The following ZNF536 variants were observed in gnomAD, a reference collection of about 807,000 sequenced individuals.
ZNF536 encodes the protein zinc finger protein 536.
A neutral mutation model predicts 84.5 loss-of-function variants in ZNF536; 13 were observed. That is an observed-to-expected ratio of 0.15 (90% CI 0.10 to 0.24). The LOEUF is 0.24. Ranked by LOEUF, ZNF536 falls within the 10% of genes least tolerant of loss-of-function variation. The probability of loss-of-function intolerance (pLI) is 1.00; values close to 1 mark genes in which losing one functional copy is unlikely to be tolerated. For synonymous variants in ZNF536, 811 were observed against 742.5 expected (o/e 1.09, Z -1.50); for missense variants, 1,536 against 1,747.5 (o/e 0.88, Z 2.16).
At chr19:30,633,033 G>T (rs1025450323) in intron 1 of ZNF536, among the ~76,000 whole-genome samples, 1 of 152,170 alleles carries the variant, frequency 6.6e-6, no homozygotes, top group Non-Finnish European at 1.5e-5. Flanking sequence ...TCAATAAGAT[G>T]ATCAAAGAGG....
rs754539519 is a variant in ZNF536 at position 30,548,573 on chromosome 19, C to T, written c.2954C>T (p.Ala985Val). ...PLDLSVRPDA[A>V]SLPGSSVTVQ... ...GACTTGTCTGTGCGGCCAGATGCCG[C>T]CTCCCTCCCGGGCTCCTCGGTAACT... The change falls in exon 4 of 5, where the codon GCC becomes GTC. Residue 985 changes from alanine to valine, a missense_variant. By Grantham distance (64) the Ala-to-Val change is moderately conservative. Transcript: ENST00000355537. 1.4e-5 allele frequency: 23 copies of T among 1,614,158 alleles called. No individual in the cohort carries two copies. The highest frequency in any genetic ancestry group is 1.0e-4 in the Admixed American group (6 of 60,032).
chr19:30,540,085 T>C (rs2045268824), intron 3 of ZNF536, among the ~76,000 whole-genome samples: 1 of 152,212 alleles, frequency 6.6e-6, no homozygotes, highest in African/African-American at 2.4e-5. Flanking sequence ...GGGAACCTCT[T>C]TGTGGGAATG....
Position 30,403,888 on chromosome 19 carries a change from T to A in ZNF536, c.-3+31332T>A, listed in dbSNP as rs563678918. 6.0e-4 allele frequency among the ~76,000 whole-genome samples: 92 copies of A among 152,278 alleles called. 1 individual carries two copies. In the South Asian group the frequency reaches 0.018, roughly 29 times the overall value. ...GGATGGTCACATAGTAGGCTCTCAG[T>A]GAACATCTGGTGATGACCGTAAATG... is the stretch of plus-strand genomic sequence containing the variant. On this transcript the variant is annotated intron_variant, in intron 1 of 4. Transcript: ENST00000355537.
chr19:30,326,440 A>G (rs1362134277), intron 2 of ZNF536, among the ~76,000 whole-genome samples: 2 of 152,206 alleles, frequency 1.3e-5, no homozygotes, highest in Non-Finnish European at 2.9e-5. Context: ...TTAAACAGCA[A>G]TGTCCTCTTT....
Position 30,311,866 on chromosome 19 carries a change from C to T in ZNF536, c.-120+27725C>T, listed in dbSNP as rs187198658. 9.8e-4 allele frequency among the ~76,000 whole-genome samples: 149 copies of T among 152,072 alleles called. 1 individual carries two copies. The highest frequency in any genetic ancestry group is 1.5e-3 in the Non-Finnish European group (104 of 67,998). ...GGAGGATCACTTGAGGCCAGGAGTT[C>T]GAGACCAGCCTGGGAAACATAGTGA... On this transcript the variant is annotated intron_variant, in intron 2 of 5. Transcript: ENST00000585628.
intron 1 of ZNF536, among the ~76,000 whole-genome samples, chr19:30,231,273 C>A (rs748051452): frequency 4.6e-5 from 7 of 152,222 alleles, no homozygotes; most frequent in Non-Finnish European, 8.8e-5. Context: ...CTCAGCCCTG[C>A]CTCAGCCTAT....
intron 1 of ZNF536, among the ~76,000 whole-genome samples, chr19:30,411,889 A>G (rs1487585124): frequency 6.6e-6 from 1 of 152,114 alleles, no homozygotes; most frequent in Non-Finnish European, 1.5e-5. Flanking sequence ...TGTATTTATG[A>G]TATCACCATT....
chr19:30,587,291 T>C (rs970013849), intron 1 of ZNF536, among the ~76,000 whole-genome samples: 3 of 152,230 alleles, frequency 2.0e-5, no homozygotes, highest in African/African-American at 2.4e-5. Context: ...ACAAGACATA[T>C]CAAACCTTCA....
In ZNF536 at chr19:30,530,331, T is replaced by TTTGTTGTTG. The variant is rs140017176; in HGVS notation, c.2171-4495_2171-4487dup. On this transcript the variant is annotated intron_variant, in intron 2 of 4. Transcript: ENST00000355537. Reference sequence around the variant, plus strand: ...TTTGTAATACCTCTCTCTCTGTCTTTTTGTTGTTGTTGTTGTTGTTGTTGT... The same window carrying TTTGTTGTTG: ...TTTGTAATACCTCTCTCTCTGTCTTTTTGTTGTTGTTGTTGTTGTTGTTGTTGTTGTTGT... Among the ~76,000 whole-genome samples, 596 of 151,420 alleles carry TTTGTTGTTG rather than the reference T, an allele frequency of 3.9e-3. 7 individuals are homozygous for TTTGTTGTTG. The highest frequency in any genetic ancestry group is 0.014 in the African/African-American group (558 of 41,068).
intron 1 of ZNF536, among the ~76,000 whole-genome samples, chr19:30,654,631 A>T (rs2049835762): frequency 6.6e-6 from 1 of 152,172 alleles, no homozygotes; most frequent in South Asian, 2.1e-4. Flanking sequence ...GTGGCTATCT[A>T]GGTCTTTAGT....
At chr19:30,698,188 A>T (rs1371264174) in intron 1 of ZNF536, among the ~76,000 whole-genome samples, 1 of 152,034 alleles carries the variant, frequency 6.6e-6, no homozygotes, top group African/African-American at 2.4e-5. Context: ...GCTACGCAGG[A>T]TGCTGAGTCT....
intron 2 of ZNF536, among the ~76,000 whole-genome samples, chr19:30,327,337 T>C (rs2047072868): frequency 6.6e-6 from 1 of 152,176 alleles, no homozygotes; most frequent in African/African-American, 2.4e-5. Context: ...GACTGAACCC[T>C]GCCCCATCCA....
Position 30,708,141 on chromosome 19 carries a change from G to A in ZNF536, c.170-2616G>A, listed in dbSNP as rs528191153. On this transcript the variant is annotated intron_variant, in intron 1 of 1. Coordinates refer to the ZNF536 transcript ENST00000592773. Reference sequence around the variant, plus strand: ...CTGGGCTTGGCATTCATAACACTGAGATGGTCATGGTTCTTGCCCCAGGAA... The same window carrying A: ...CTGGGCTTGGCATTCATAACACTGAAATGGTCATGGTTCTTGCCCCAGGAA... 3.3e-5 allele frequency among the ~76,000 whole-genome samples: 5 copies of A among 152,108 alleles called. No homozygotes were observed. In the East Asian group the frequency reaches 9.7e-4, roughly 30 times the overall value.
chr19:30,648,849 T>C (rs1286079032), intron 1 of ZNF536, among the ~76,000 whole-genome samples: 1 of 152,232 alleles, frequency 6.6e-6, no homozygotes, highest in Non-Finnish European at 1.5e-5. Context: ...AGTTCACATG[T>C]TTTTGAAAAC....
At chr19:30,376,144 C>T (rs1223987676) in intron 1 of ZNF536, among the ~76,000 whole-genome samples, 1 of 152,102 alleles carries the variant, frequency 6.6e-6, no homozygotes, top group African/African-American at 2.4e-5. Context: ...CTAGTGGCTC[C>T]ATGGGTACCA....
At chr19:30,267,763 T>C (rs1190658639) in intron 1 of ZNF536, among the ~76,000 whole-genome samples, 1 of 152,180 alleles carries the variant, frequency 6.6e-6, no homozygotes, top group Non-Finnish European at 1.5e-5. Flanking sequence ...TTCCTTACTT[T>C]AGTTCTTTCT....
chr19:30,663,379 G>T (rs2050193863), intron 1 of ZNF536, among the ~76,000 whole-genome samples: 1 of 152,126 alleles, frequency 6.6e-6, no homozygotes. Context: ...AAACTCTGCA[G>T]GATATGGTAT....
At chr19:30,463,902 G>A (rs909244967) in intron 2 of ZNF536, among the ~76,000 whole-genome samples, 3 of 152,024 alleles carry the variant, frequency 2.0e-5, no homozygotes, top group African/African-American at 4.8e-5. Flanking sequence ...AGCATCCTCG[G>A]GACCCCCTCT....
At chr19:30,702,602 C>A (rs1441866028) in intron 1 of ZNF536, among the ~76,000 whole-genome samples, 1 of 152,130 alleles carries the variant, frequency 6.6e-6, no homozygotes, top group Non-Finnish European at 1.5e-5. Flanking sequence ...GGAACGAGGG[C>A]CAAGTTTCCC....
Sources: gnomAD v4.1 joint callset for allele counts (sites outside exome capture counted in the v4.1 genomes callset) on GRCh38, gnomAD v4.1.1 for gene constraint, MANE v1.5 for transcripts, NCBI Gene and HGNC (gene_info 2026-07-23, HGNC 2026-07-21) for gene names.